Variants in FGGY observed in about 807,000 individuals in gnomAD.
FGGY encodes FGGY carbohydrate kinase domain-containing protein.
FGGY carries 72 observed loss-of-function variants against 71.3 expected under a neutral mutation model. The observed-to-expected ratio is 1.01, with a 90% CI of 0.84 to 1.23. The LOEUF (loss-of-function observed/expected upper bound fraction) is 1.23, where lower values mean the gene tolerates loss of function less well. Ranked by LOEUF, FGGY falls within the 50% of genes most tolerant of loss-of-function variation. The pLI is 0.00. For missense variants in FGGY, 668 were observed against 682.3 expected (o/e 0.98, Z 0.23); for synonymous variants, 251 against 250.3 (o/e 1.00, Z -0.02).
Position 59,699,441 on chromosome 1 carries a change from G to A in FGGY, c.1512+25308G>A, listed in dbSNP as rs527442271. 75 of 977,014 alleles carry A rather than the reference G, an allele frequency of 7.7e-5. No homozygotes were observed. In the Middle Eastern group the frequency reaches 1.6e-3, roughly 20 times the overall value. The allele number at this position is 977,014 out of a possible 1,614,324, so 60.5% of individuals were successfully genotyped here. ...TTTGCAATAGTGACACCTAGGGGCT[G>A]TAGAGAACATTGCATGGGCTGCTAA... On this transcript the variant is annotated intron_variant, in intron 14 of 15. Coordinates refer to ENST00000303721, the MANE Select transcript of FGGY (RefSeq NM_018291.5).
intron 10 of FGGY, among the ~76,000 whole-genome samples, chr1:59,636,506 C>T (rs1277515778): frequency 6.6e-6 from 1 of 152,088 alleles, no homozygotes; most frequent in Non-Finnish European, 1.5e-5. Flanking sequence ...GCCTGTGGTC[C>T]CAGCTACTCG....
chr1:59,654,242 C>A (rs570400417), intron 11 of FGGY, among the ~76,000 whole-genome samples: 73 of 152,298 alleles, frequency 4.8e-4, no homozygotes, highest in African/African-American at 1.7e-3. Context: ...CTTTCTCTTC[C>A]AAGCGGGTGA....
intron 14 of FGGY, among the ~76,000 whole-genome samples, chr1:59,730,337 G>A (rs1011535086): frequency 6.6e-6 from 1 of 150,618 alleles, no homozygotes; most frequent in Non-Finnish European, 1.5e-5. Context: ...GTAAGGATGG[G>A]ATAAATGACT....
chr1:59,343,052 G>A (rs946438682), intron 3 of FGGY, among the ~76,000 whole-genome samples: 1 of 152,078 alleles, frequency 6.6e-6, no homozygotes, highest in Non-Finnish European at 1.5e-5. Context: ...TCAGCCATAG[G>A]AGCTCTTGGG....
intron 5 of FGGY, among the ~76,000 whole-genome samples, chr1:59,400,157 A>G (rs865784174): frequency 6.6e-6 from 1 of 152,234 alleles, no homozygotes; most frequent in Non-Finnish European, 1.5e-5. Flanking sequence ...ATGATATTTC[A>G]GCCTGTATTT....
rs369775099 is a variant in FGGY, at chr1:59,375,184, C to T, written c.466-3565C>T. 3.6e-3 allele frequency among the ~76,000 whole-genome samples: 532 copies of T among 146,434 alleles called. 2 individuals carry two copies. Among genetic ancestry groups the T allele is most frequent in the South Asian group, 0.014 (63 of 4,458 alleles). On this transcript the variant is annotated intron_variant, in intron 4 of 15. Coordinates refer to ENST00000303721, the MANE Select transcript of FGGY (RefSeq NM_018291.5). ...CTGAGGCAGGAGAATCTCTTGAACCCGGGGTGCAGAGGTTGCAGTGAGCTG... is the reference window on the plus strand; with the variant it reads ...CTGAGGCAGGAGAATCTCTTGAACCTGGGGTGCAGAGGTTGCAGTGAGCTG...
rs147023710 is a variant in FGGY at position 59,718,455 on chromosome 1, T to A, written c.1513-39476T>A. ...GAGCCACCAACCAGTTCCTAACCTC[T>A]GTTTCTTGCAGTTCCTACAGAGCCT... On this transcript the variant is annotated intron_variant, in intron 14 of 15. Transcript: ENST00000303721. 1.5e-3 allele frequency among the ~76,000 whole-genome samples: 224 copies of A among 152,312 alleles called. 1 individual carries two copies. The highest frequency in any genetic ancestry group is 5.1e-3 in the African/African-American group (210 of 41,572).
At chr1:59,519,000 G>A (rs775875075) in intron 7 of FGGY, among the ~76,000 whole-genome samples, 3 of 152,226 alleles carry the variant, frequency 2.0e-5, no homozygotes, top group Non-Finnish European at 4.4e-5. Flanking sequence ...GAGGCTCAGT[G>A]TATTATAAAC....
At chr1:59,694,376 G>A (rs529681369) in intron 14 of FGGY, among the ~76,000 whole-genome samples, 1 of 152,078 alleles carries the variant, frequency 6.6e-6, no homozygotes, top group Non-Finnish European at 1.5e-5. Flanking sequence ...GACCTCCATA[G>A]TCAATGTCAA....
rs563781660 is a variant in FGGY at position 59,323,913 on chromosome 1, C to T, written c.201+2163C>T. The stretch of plus-strand genomic sequence containing the variant: ...AATACTGAAAAGTCAAAGTCTACGG[C>T]GGGGGAGGCGCTTCTTGGGAATATT... On this transcript the variant is annotated intron_variant, in intron 2 of 15. Coordinates refer to ENST00000303721, the MANE Select transcript of FGGY (RefSeq NM_018291.5). Among the ~76,000 whole-genome samples the T allele has an allele frequency of 5.9e-5, 9 of 152,148 alleles. No individual in the cohort carries two copies. In the South Asian group the frequency reaches 8.3e-4, roughly 14 times the overall value.
intron 8 of FGGY, among the ~76,000 whole-genome samples, chr1:59,565,564 G>A (rs1478412401): frequency 6.6e-6 from 1 of 152,192 alleles, no homozygotes; most frequent in Non-Finnish European, 1.5e-5. Context: ...GATTACAGGC[G>A]TGAGCCACCG....
At chr1:59,679,436 G>A (rs1402967509) in intron 14 of FGGY, among the ~76,000 whole-genome samples, 1 of 150,936 alleles carries the variant, frequency 6.6e-6, no homozygotes, top group Non-Finnish European at 1.5e-5. Context: ...TACCGTAGAT[G>A]TTCAGAAGTA....
In FGGY at chr1:59,607,922, CT is replaced by C; in HGVS notation, c.1011+15del. 1 of 1,596,628 alleles carries C rather than the reference CT, an allele frequency of 6.3e-7. No homozygotes were observed. Among genetic ancestry groups the C allele is most frequent in the Non-Finnish European group, 8.6e-7 (1 of 1,164,138 alleles). On this transcript the variant is annotated intron_variant, in intron 9 of 15. Coordinates refer to ENST00000303721, the MANE Select transcript of FGGY (RefSeq NM_018291.5). ...TTACTGGAAAATTGGTAAGTTGACA[CT>C]TTCTCAATAGGGTCATGGATGTTTT...
chr1:59,637,782 C>T (rs1440538330), intron 10 of FGGY, among the ~76,000 whole-genome samples: 1 of 152,096 alleles, frequency 6.6e-6, no homozygotes, highest in Non-Finnish European at 1.5e-5. Flanking sequence ...ATCATTATTA[C>T]AATTAGGAAT....
chr1:59,673,930 G>A (rs940988887), intron 13 of FGGY, 109 bp from the exon 14 acceptor site: 22 of 797,144 alleles, frequency 2.8e-5, no homozygotes, highest in Non-Finnish European at 3.2e-5. Context: ...CGGGCGGGGG[G>A]CCTGCTGCTG....
At chr1:59,312,523 T>C (rs961857483) in intron 1 of FGGY, among the ~76,000 whole-genome samples, 2 of 152,170 alleles carry the variant, frequency 1.3e-5, no homozygotes, top group South Asian at 2.1e-4. Context: ...ATGTGCTTTA[T>C]TGGAACACAA....
intron 8 of FGGY, among the ~76,000 whole-genome samples, chr1:59,581,129 A>G (rs1254556116): frequency 2.2e-5 from 3 of 137,468 alleles, no homozygotes; most frequent in Admixed American, 2.1e-4. Context: ...CTGCACCTCC[A>G]TAGTGAGATC....
chr1:59,562,795 A>G (rs922294627), intron 8 of FGGY, among the ~76,000 whole-genome samples: 3 of 152,226 alleles, frequency 2.0e-5, no homozygotes, highest in Non-Finnish European at 4.4e-5. Context: ...GGCACAAGGA[A>G]AGATTTGGGT....
Position 59,370,780 on chromosome 1 carries a change from C to T in FGGY, c.466-7969C>T, listed in dbSNP as rs568180603. Among the ~76,000 whole-genome samples, 14 of 151,162 alleles carry T rather than the reference C, an allele frequency of 9.3e-5. No individual in the cohort carries two copies. In the East Asian group the frequency reaches 2.3e-3, roughly 25 times the overall value. On this transcript the variant is annotated intron_variant, in intron 4 of 15. Transcript: ENST00000303721. ...CATTCTTAAAGAAAAGAATTTTCAA[C>T]CCAGAATTTCATATCCAGCCAAATT...
Sources: gnomAD v4.1 joint callset for allele counts (sites outside exome capture counted in the v4.1 genomes callset) on GRCh38, gnomAD v4.1.1 for gene constraint, MANE v1.5 for transcripts, NCBI Gene and HGNC (gene_info 2026-07-23, HGNC 2026-07-21) for gene names.